The following SAMD8 variants were observed in gnomAD, a reference collection of about 807,000 sequenced individuals.
The protein encoded by SAMD8 is sphingomyelin synthase-related protein 1.
Under a neutral mutation model 42.0 loss-of-function variants are expected in SAMD8, and 20 were observed. The ratio of observed to expected loss-of-function variants is 0.48; its 90% CI spans 0.34 to 0.69. The LOEUF (loss-of-function observed/expected upper bound fraction) is 0.69, where lower values mean the gene tolerates loss of function less well. Among genes scored for constraint, SAMD8 ranks in the 30% least tolerant of loss-of-function variants. The pLI, the probability that SAMD8 is intolerant of heterozygous loss-of-function variation, is 0.01. For missense variants in SAMD8, 328 were observed against 511.6 expected (o/e 0.64, Z 3.46); for synonymous variants, 162 against 173.0 (o/e 0.94, Z 0.50).
At chr10:75,108,542 C>T (rs1848659551), upstream of SAMD8, among the ~76,000 whole-genome samples, 1 of 152,294 alleles carries the variant, frequency 6.6e-6, no homozygotes, top group Admixed American at 6.5e-5. Flanking sequence ...TCCTCCCACG[C>T]ATATCCGTCC....
intron 1 of SAMD8, among the ~76,000 whole-genome samples, chr10:75,106,466 A>AC (rs544587258): frequency 8.0e-4 from 122 of 152,260 alleles, no homozygotes; most frequent in South Asian, 7.7e-3. Flanking sequence ...TTTGGCTGAG[A>AC]CACGGCTTCC....
At chr10:75,143,643 C>G (rs955244714) in intron 1 of SAMD8, among the ~76,000 whole-genome samples, 3 of 151,906 alleles carry the variant, frequency 2.0e-5, no homozygotes, top group East Asian at 1.9e-4. Context: ...TCATTCTTAC[C>G]TTTGTTCCTA....
In SAMD8 at chr10:75,168,674, C is replaced by T; in HGVS notation, c.792+16C>T. The stretch of plus-strand genomic sequence containing the variant: ...TACTGGAAAGGTAGCCTGCTACCTT[C>T]TTTATCATTCTTGTTTTTGGTGGGT... On this transcript the variant is annotated intron_variant, in intron 4 of 5. Transcript: ENST00000542569. 2.7e-6 allele frequency: 4 copies of T among 1,476,190 alleles called. No individual in the cohort carries two copies. The highest frequency in any genetic ancestry group is 2.3e-5 in the East Asian group (1 of 44,160). The allele number at this position is 1,476,190 out of a possible 1,614,324, so 91.4% of individuals were successfully genotyped here.
chr10:75,165,688 A>T (rs868261151), intron 3 of SAMD8, among the ~76,000 whole-genome samples: 3 of 148,982 alleles, frequency 2.0e-5, no homozygotes, highest in African/African-American at 7.5e-5. Context: ...AAAAAAAAAG[A>T]TTATTAGCCA....
rs1248096978 is a variant in SAMD8, at chr10:75,177,791, C to T, written c.*1099C>T. On this transcript the variant is annotated 3_prime_UTR_variant, in exon 6 of 6. Coordinates refer to ENST00000542569, the MANE Select transcript of SAMD8 (RefSeq NM_001174156.2). ...TGTATATACATTCTTTCTATTTAGT[C>T]TTAATTTGGCAGTCAGGAAGTGATA... 2.0e-5 allele frequency: 3 copies of T among 152,094 alleles called. No homozygotes were observed. Among genetic ancestry groups the T allele is most frequent in the Non-Finnish European group, 4.4e-5 (3 of 68,010 alleles). 9.4% of individuals were successfully genotyped at this position (152,094 alleles called of 1,614,324 possible).
chr10:75,157,283 T>C (rs978225990), intron 2 of SAMD8, among the ~76,000 whole-genome samples: 3 of 152,012 alleles, frequency 2.0e-5, no homozygotes, highest in African/African-American at 7.3e-5. Flanking sequence ...TGGAGACATA[T>C]GCTATATGAT....
intron 1 of SAMD8, among the ~76,000 whole-genome samples, chr10:75,115,137 A>G (rs1425445341): frequency 2.6e-5 from 4 of 152,234 alleles, no homozygotes; most frequent in African/African-American, 9.6e-5. Flanking sequence ...ATATTTGTTT[A>G]CAAATAAAGA....
chr10:75,129,183 C>T (rs1421146078), intron 1 of SAMD8, among the ~76,000 whole-genome samples: 1 of 150,848 alleles, frequency 6.6e-6, no homozygotes, highest in East Asian at 2.0e-4. Context: ...TGCCCAGGTG[C>T]AGTAATAGCT....
At chr10:75,106,110 T>C (rs1050298252) in intron 1 of SAMD8, among the ~76,000 whole-genome samples, 20 of 150,554 alleles carry the variant, frequency 1.3e-4, no homozygotes, top group East Asian at 7.7e-4. Flanking sequence ...TCTTTTTTTT[T>C]TTTTTTTTTT....
chr10:75,156,416 A>G (rs573445897), intron 2 of SAMD8, among the ~76,000 whole-genome samples: 5 of 152,298 alleles, frequency 3.3e-5, no homozygotes, highest in South Asian at 4.1e-4. Context: ...GATAAAATCT[A>G]TTAGGTGAAA....
At chr10:75,130,735 T>G (rs1849256736) in intron 1 of SAMD8, among the ~76,000 whole-genome samples, 1 of 152,184 alleles carries the variant, frequency 6.6e-6, no homozygotes, top group Non-Finnish European at 1.5e-5. Context: ...AAAGCAAATC[T>G]GGCAAAATGT....
upstream of SAMD8, chr10:75,109,073 G>A (rs749493863): frequency 9.3e-6 from 15 of 1,611,822 alleles, no homozygotes; most frequent in South Asian, 3.3e-5. Context: ...TTCCCTGCCC[G>A]CAGGAGCTCC....
chr10:75,151,119 TCTAGTTG>T lies in SAMD8; in HGVS notation c.578+17_578+23del, dbSNP rs1226362733. The T allele has an allele frequency of 7.1e-7, 1 of 1,412,154 alleles. No individual in the cohort carries two copies. The highest frequency in any genetic ancestry group is 2.4e-5 in the East Asian group (1 of 41,656). 87.5% of individuals were successfully genotyped at this position (1,412,154 alleles called of 1,614,324 possible). The stretch of plus-strand genomic sequence containing the variant: ...TATTCTTAGACAGGTAAGTTTTGTT[TCTAGTTG>T]CTAAGTTTGTAGGATGTTGCTATAA... On this transcript the variant is annotated intron_variant, in intron 2 of 5. Coordinates refer to ENST00000542569, the MANE Select transcript of SAMD8 (RefSeq NM_001174156.2).
intron 4 of SAMD8, among the ~76,000 whole-genome samples, chr10:75,170,415 G>A (rs1361740592): frequency 6.6e-6 from 1 of 152,144 alleles, no homozygotes; most frequent in Non-Finnish European, 1.5e-5. Flanking sequence ...ATACCCCTGA[G>A]CTGAAGGGTG....
At chr10:75,173,897 G>A (rs1197449404) in intron 4 of SAMD8, among the ~76,000 whole-genome samples, 1 of 152,138 alleles carries the variant, frequency 6.6e-6, no homozygotes, top group Non-Finnish European at 1.5e-5. Context: ...TACTAGCTAT[G>A]TGACCTCTCT....
chr10:75,109,818 T>TTTTTGTTTTGTTTTGTTTTG (rs59615618), upstream of SAMD8, among the ~76,000 whole-genome samples: 61 of 150,200 alleles, frequency 4.1e-4, no homozygotes, highest in South Asian at 8.4e-4. Context: ...AAGGTGTTTT[T>TTTTTGTTTTGTTTTGTTTTG]TTTTGTTTTG....
intron 1 of SAMD8, among the ~76,000 whole-genome samples, chr10:75,141,612 G>A (rs909429694): frequency 2.7e-5 from 4 of 146,312 alleles, no homozygotes; most frequent in South Asian, 2.2e-4. Flanking sequence ...TGCGATCTCC[G>A]CTCACTGCAA....
upstream of SAMD8, among the ~76,000 whole-genome samples, chr10:75,107,825 C>T (rs1251436769): frequency 6.6e-6 from 1 of 152,186 alleles, no homozygotes. Context: ...GATCCACCCA[C>T]CTCGGCCTCC....
chr10:75,144,382 C>T (rs2134467693), intron 1 of SAMD8, among the ~76,000 whole-genome samples: 1 of 149,448 alleles, frequency 6.7e-6, no homozygotes, highest in East Asian at 1.9e-4. Flanking sequence ...AAATTCTGTA[C>T]CTATTAAAAA....
Sources: allele counts gnomAD v4.1 joint callset (sites outside exome capture counted in the v4.1 genomes callset), GRCh38; gene constraint gnomAD v4.1.1; transcripts MANE v1.5; gene names NCBI Gene and HGNC (gene_info 2026-07-23, HGNC 2026-07-21).